The following MYO5B variants were observed in gnomAD, a reference collection of about 807,000 sequenced individuals.
The protein encoded by MYO5B is myosin VB, also known as unconventional myosin-Vb.
Under a neutral mutation model 229.3 loss-of-function variants are expected in MYO5B, and 143 were observed. That is an observed-to-expected ratio of 0.62 (90% CI 0.54 to 0.72). The LOEUF (loss-of-function observed/expected upper bound fraction) is 0.72. Ranked by LOEUF, MYO5B falls within the 30% of genes least tolerant of loss-of-function variation. The pLI, the probability that MYO5B is intolerant of heterozygous loss-of-function variation, is 0.00. For missense variants in MYO5B, 2,321 were observed against 2,331.0 expected (o/e 1.00, Z 0.09); for synonymous variants, 918 against 885.2 (o/e 1.04, Z -0.66).
chr18:49,919,623 C>T (rs2025053546), intron 17 of MYO5B, among the ~76,000 whole-genome samples: 2 of 152,134 alleles, frequency 1.3e-5, no homozygotes, highest in South Asian at 4.2e-4. Context: ...TCACAAGATA[C>T]CTCTTCACAC....
rs186228423 is a variant in MYO5B at position 49,994,814 on chromosome 18, T to C, written c.613-2383A>G. ...ATGATGGCAGACTGCCAGACTTCAG[T>C]GAGCCAATTTCTACTTGAAAAATGG... On this transcript the variant is annotated intron_variant, in intron 5 of 39. Coordinates refer to ENST00000285039, the MANE Select transcript of MYO5B (RefSeq NM_001080467.3). 2.0e-5 allele frequency among the ~76,000 whole-genome samples: 3 copies of C among 152,324 alleles called. No homozygotes were observed. The East Asian group carries it at 5.8e-4, about 29-fold the overall frequency.
At chr18:50,057,669 A>G (rs1382912948) in intron 1 of MYO5B, among the ~76,000 whole-genome samples, 2 of 152,158 alleles carry the variant, frequency 1.3e-5, no homozygotes, top group Admixed American at 6.5e-5. Flanking sequence ...CTCTAAAGAG[A>G]CTGAGAGCAC....
At chr18:49,921,125 A>G (rs923296128) in intron 17 of MYO5B, among the ~76,000 whole-genome samples, 3 of 152,120 alleles carry the variant, frequency 2.0e-5, no homozygotes, top group African/African-American at 7.2e-5. Context: ...TAGTTCTCCA[A>G]TCTTATGCTA....
chr18:50,030,876 G>GAAAAAAAAA (rs869189090), intron 4 of MYO5B, among the ~76,000 whole-genome samples: 5 of 30,500 alleles, frequency 1.6e-4, no homozygotes, highest in Non-Finnish European at 2.9e-4. Flanking sequence ...CTCCCTTTCA[G>GAAAAAAAAA]AAAAAAAAAA....
intron 1 of MYO5B, among the ~76,000 whole-genome samples, chr18:50,122,634 GGAGAGAGAGAGA>G (rs778675940): frequency 1.1e-4 from 1 of 9,250 alleles, no homozygotes; most frequent in Admixed American, 1.8e-3. Flanking sequence ...GAAGGGGGGG[GGAGAGAGAGAGA>G]GAGAGAGAGA....
intron 1 of MYO5B, among the ~76,000 whole-genome samples, chr18:50,183,383 T>C (rs1460141268): frequency 8.1e-5 from 12 of 147,718 alleles, no homozygotes; most frequent in Non-Finnish European, 1.5e-4. Context: ...CTAAGAATGG[T>C]ATTATTCTGT....
At chr18:49,860,339 C>T (rs957708771) in intron 29 of MYO5B, among the ~76,000 whole-genome samples, 2 of 152,168 alleles carry the variant, frequency 1.3e-5, no homozygotes, top group Non-Finnish European at 2.9e-5. Flanking sequence ...CTCCCATATA[C>T]AGCCCTGAAA....
chr18:49,850,225 GTC>G, intron 31 of MYO5B: 1 of 181,626 alleles, frequency 5.5e-6, no homozygotes, highest in Admixed American at 5.4e-5. Context: ...TGTCATTAAT[GTC>G]ACCTCCATCC....
In MYO5B at chr18:49,856,795, G is replaced by A. The variant is rs1314504770; in HGVS notation, c.4022+18C>T. ...CCAACGGACAAAGCAGACACAGGAA[G>A]AAAGGAATATGTTCCACCTGGCAAC... On this transcript the variant is annotated intron_variant, in intron 30 of 39. Transcript: ENST00000285039. 3 of 1,605,266 alleles carry A rather than the reference G, an allele frequency of 1.9e-6. No individual in the cohort carries two copies. Among genetic ancestry groups the A allele is most frequent in the Non-Finnish European group, 2.6e-6 (3 of 1,171,864 alleles).
intron 8 of MYO5B, among the ~76,000 whole-genome samples, chr18:49,982,159 C>T (rs2025822830): frequency 6.6e-6 from 1 of 152,218 alleles, no homozygotes; most frequent in Admixed American, 6.5e-5. Flanking sequence ...CAGCCTCAAA[C>T]TCCTGGGCTC....
intron 14 of MYO5B, among the ~76,000 whole-genome samples, chr18:49,940,285 G>A (rs899444491): frequency 6.6e-6 from 1 of 152,178 alleles, no homozygotes; most frequent in African/African-American, 2.4e-5. Context: ...TGCAGTCAGA[G>A]ATACCTGACA....
In MYO5B at chr18:49,959,775, C is replaced by T. The variant is rs2144256156; in HGVS notation, c.1545+2491G>A. ...GAATGGGAAGAGGATATTAGGAAAT[C>T]CCAACCCAAATAGGGCTTAGAAGGC... On this transcript the variant is annotated intron_variant, in intron 12 of 39. Coordinates refer to ENST00000285039, the MANE Select transcript of MYO5B (RefSeq NM_001080467.3). 2.0e-5 allele frequency among the ~76,000 whole-genome samples: 3 copies of T among 152,270 alleles called. No individual in the cohort carries two copies. The South Asian group carries it at 6.2e-4, about 32-fold the overall frequency.
rs528444261 is a variant in MYO5B at position 50,170,325 on chromosome 18, A to G, written c.27+24442T>C. 3.9e-5 allele frequency among the ~76,000 whole-genome samples: 5 copies of G among 127,386 alleles called. 2 individuals are homozygous for G. The South Asian group carries it at 1.4e-3, about 35-fold the overall frequency. The allele number at this position is 127,386 out of a possible 152,430, so 83.6% of individuals were successfully genotyped here. ...CCATCAGAAATGTACTATTTCGATA[A>G]TACATTTTGACTTTTGACTAGACCA... is the stretch of plus-strand genomic sequence containing the variant. On this transcript the variant is annotated intron_variant, in intron 1 of 39. Coordinates refer to ENST00000285039, the MANE Select transcript of MYO5B (RefSeq NM_001080467.3).
chr18:49,989,530 G>A lies in MYO5B; in HGVS notation c.838+909C>T, dbSNP rs532970646. Among the ~76,000 whole-genome samples, 7 of 152,200 alleles carry A rather than the reference G, an allele frequency of 4.6e-5. No individual in the cohort carries two copies. In the South Asian group the frequency reaches 1.2e-3, roughly 27 times the overall value. On this transcript the variant is annotated intron_variant, in intron 7 of 39. Coordinates refer to ENST00000285039, the MANE Select transcript of MYO5B (RefSeq NM_001080467.3). ...GACACCAAGACGCTGCTGGGCTCAA[G>A]GCTTGCCCTCTTTACACATATGTGC...
At chr18:49,977,960 G>C (rs921398437) in intron 9 of MYO5B, among the ~76,000 whole-genome samples, 17 of 152,214 alleles carry the variant, frequency 1.1e-4, no homozygotes, top group African/African-American at 2.7e-4. Flanking sequence ...CCAGCAAGAA[G>C]AATCAGGATA....
chr18:49,884,880 A>G (rs966314961), intron 22 of MYO5B, among the ~76,000 whole-genome samples: 1 of 152,218 alleles, frequency 6.6e-6, no homozygotes, highest in Non-Finnish European at 1.5e-5. Context: ...CGATAAACAC[A>G]GAAAAGACAC....
chr18:49,944,270 C>G (rs767354273), intron 14 of MYO5B, among the ~76,000 whole-genome samples: 1 of 152,132 alleles, frequency 6.6e-6, no homozygotes, highest in Non-Finnish European at 1.5e-5. Context: ...CTGTACGTAG[C>G]ATAGTCAGGA....
At chr18:50,141,162 C>T (rs550180160) in intron 1 of MYO5B, among the ~76,000 whole-genome samples, 1 of 152,136 alleles carries the variant, frequency 6.6e-6, no homozygotes, top group Non-Finnish European at 1.5e-5. Context: ...TAAAAAAGGA[C>T]AACAAGGAAA....
intron 22 of MYO5B, among the ~76,000 whole-genome samples, chr18:49,884,597 A>C (rs2024623100): frequency 6.6e-6 from 1 of 152,102 alleles, no homozygotes; most frequent in South Asian, 2.1e-4. Context: ...ATTTGACAGG[A>C]GGCAGAGCTT....
Sources: gnomAD v4.1 joint callset for allele counts (sites outside exome capture counted in the v4.1 genomes callset) on GRCh38, gnomAD v4.1.1 for gene constraint, MANE v1.5 for transcripts, NCBI Gene and HGNC (gene_info 2026-07-23, HGNC 2026-07-21) for gene names.